Variants in CRACDL observed in about 807,000 individuals in gnomAD.
CRACDL encodes the protein CRACD-like protein.
In CRACDL, 26 loss-of-function variants were observed where a neutral mutation model predicts 70.6. That is an observed-to-expected ratio of 0.37 (90% CI 0.27 to 0.51). The LOEUF is 0.51. CRACDL is among the 20% of genes least tolerant of loss of function. The pLI is 0.94. For synonymous variants in CRACDL, 618 were observed against 615.2 expected (o/e 1.00, Z -0.07); for missense variants, 1,283 against 1,376.9 (o/e 0.93, Z 1.08).
intron 7 of CRACDL, among the ~76,000 whole-genome samples, chr2:98,799,424 C>G (rs1218710973): frequency 6.6e-6 from 1 of 152,110 alleles, no homozygotes; most frequent in Non-Finnish European, 1.5e-5. Flanking sequence ...GCCAGGACCT[C>G]CCCTGGCCCT....
At position 98,797,368 on chromosome 2, in the gene CRACDL, C is replaced by A. The variant is rs1703870235; in HGVS notation, c.2586G>T (p.Lys862Asn). The A allele has an allele frequency of 4.3e-6, 7 of 1,614,206 alleles. No homozygotes were observed. In the East Asian group the frequency reaches 1.6e-4, roughly 36 times the overall value. ...TAAGCACCTGGCCTCTCTCGGGCAC[C>A]TTGGCTTGCTTTCCTGGTTCAGACT... ...TLKSEPGKQAKVPERGQEPVK... is the reference protein window; with the variant it reads ...TLKSEPGKQANVPERGQEPVK... Residue 862 changes from lysine to asparagine, a missense_variant, in exon 8 of 10, where the codon AAG becomes AAT. Lys to Asn is a moderately conservative substitution (Grantham distance 94). Coordinates refer to ENST00000397899, the MANE Select transcript of CRACDL (RefSeq NM_207362.3).
chr2:98,871,137 C>T (rs1010677711), intron 1 of CRACDL, among the ~76,000 whole-genome samples: 50 of 152,186 alleles, frequency 3.3e-4, no homozygotes, highest in Non-Finnish European at 2.9e-5. Context: ...TTTCTTTGCC[C>T]TTCTTTGCTG....
intron 1 of CRACDL, among the ~76,000 whole-genome samples, chr2:98,903,028 C>T (rs1708319606): frequency 6.6e-6 from 1 of 152,146 alleles, no homozygotes; most frequent in Admixed American, 6.5e-5. Flanking sequence ...GCACACTCTC[C>T]CAACTGCACA....
Position 98,796,183 on chromosome 2 carries a change from CCT to C in CRACDL, c.2684_2685del (p.Gln895ArgfsTer61). ...CCCTCCTTGAAGTTGAGCTTTGCCC[CCT>C]GCTTCCGGTCCACAGCGGGCTTCAC... ...TPVKPAVDRK[Q>X]GAKLNFKEGL... On this transcript the variant is annotated frameshift_variant, in exon 9 of 10. Transcript: ENST00000397899. LOFTEE classifies it high-confidence loss of function. The C allele has an allele frequency of 6.2e-7, 1 of 1,614,100 alleles. No homozygotes were observed. The highest frequency in any genetic ancestry group is 8.5e-7 in the Non-Finnish European group (1 of 1,179,932).
intron 7 of CRACDL, among the ~76,000 whole-genome samples, chr2:98,806,186 A>G (rs753210520): frequency 5.3e-5 from 8 of 152,182 alleles, no homozygotes; most frequent in Non-Finnish European, 7.4e-5. Context: ...TTTTTCCCAA[A>G]TGGGGCCCTG....
intron 7 of CRACDL, among the ~76,000 whole-genome samples, chr2:98,799,869 T>A (rs1009419731): frequency 3.3e-5 from 5 of 152,120 alleles, no homozygotes; most frequent in African/African-American, 9.7e-5. Flanking sequence ...TCCTGGGGCA[T>A]CCCTCCAGCC....
intron 1 of CRACDL, among the ~76,000 whole-genome samples, chr2:98,894,304 G>C (rs920572906): frequency 1.3e-5 from 2 of 152,244 alleles, no homozygotes; most frequent in Admixed American, 1.3e-4. Flanking sequence ...CTGAAGGAGA[G>C]AGATGGCTCA....
At chr2:98,847,034 A>G (rs1486710492) in intron 1 of CRACDL, among the ~76,000 whole-genome samples, 2 of 152,252 alleles carry the variant, frequency 1.3e-5, no homozygotes, top group Non-Finnish European at 2.9e-5. Context: ...TTTAATGGAA[A>G]ACAGATCACT....
chr2:98,891,524 G>C (rs1340731304), intron 1 of CRACDL, among the ~76,000 whole-genome samples: 5 of 151,916 alleles, frequency 3.3e-5, no homozygotes, highest in African/African-American at 1.2e-4. Context: ...AGTATTGATG[G>C]TTCACAACCT....
At chr2:98,805,719 C>T (rs1174198253) in intron 7 of CRACDL, among the ~76,000 whole-genome samples, 1 of 152,232 alleles carries the variant, frequency 6.6e-6, no homozygotes, top group Non-Finnish European at 1.5e-5. Flanking sequence ...CTTTCCCAGC[C>T]ACCAGCATGG....
At position 98,822,943 on chromosome 2, in the gene CRACDL, G is replaced by A. The variant is rs747362353; in HGVS notation, c.1330C>T (p.Pro444Ser). ...CCCTTCTCCTCATCCGGGAGCACGG[G>A]CGGCGTCGGCTCCGCTTCCTTCGGG... The part of the protein sequence containing the change: ...SVPKEAEPTP[P>S]VLPDEEKGPP... Residue 444 changes from proline (P) to serine (S), a missense_variant, in exon 7 of 10, where the codon CCC becomes TCC. Around this residue, in one of 2 missense-constraint regions of CRACDL, gnomAD observed 921 missense variants for 881.9 expected, o/e 1.04. Coordinates refer to ENST00000397899, the MANE Select transcript of CRACDL (RefSeq NM_207362.3). The surrounding 1 kb of genome is among the most constrained non-coding windows in gnomAD (Gnocchi z 4.9). 1.3e-4 allele frequency: 186 copies of A among 1,460,804 alleles called. 1 individual carries two copies. Among genetic ancestry groups the A allele is most frequent in the Non-Finnish European group, 1.7e-4 (184 of 1,111,990 alleles). The allele number at this position is 1,460,804 out of a possible 1,614,324, so 90.5% of individuals were successfully genotyped here.
At chr2:98,892,785 A>G (rs1401201215) in intron 1 of CRACDL, among the ~76,000 whole-genome samples, 8 of 152,136 alleles carry the variant, frequency 5.3e-5, no homozygotes, top group Admixed American at 2.6e-4. Flanking sequence ...AAAACCCTAA[A>G]CCCTAATATG....
At chr2:98,836,656 C>T (rs891542064) in intron 3 of CRACDL, among the ~76,000 whole-genome samples, 3 of 152,164 alleles carry the variant, frequency 2.0e-5, no homozygotes, top group Non-Finnish European at 4.4e-5. Context: ...CTGTGTGCTC[C>T]AGTCAAGAGA....
At chr2:98,896,957 T>C (rs1442538459) in intron 1 of CRACDL, among the ~76,000 whole-genome samples, 1 of 152,182 alleles carries the variant, frequency 6.6e-6, no homozygotes, top group Non-Finnish European at 1.5e-5. Context: ...TTTTGCGTTA[T>C]TTCTAAAGGA....
intron 7 of CRACDL, among the ~76,000 whole-genome samples, chr2:98,811,402 C>T (rs1027325522): frequency 1.4e-5 from 2 of 147,922 alleles, no homozygotes; most frequent in Admixed American, 6.9e-5. Flanking sequence ...CCCAGCTACT[C>T]GGGAGGCTGA....
intron 7 of CRACDL, among the ~76,000 whole-genome samples, chr2:98,820,347 T>C (rs370503749): frequency 5.3e-5 from 8 of 151,856 alleles, no homozygotes; most frequent in African/African-American, 1.4e-4. Context: ...CTGGCCAACA[T>C]GGTGAAACCT....
intron 1 of CRACDL, among the ~76,000 whole-genome samples, chr2:98,883,966 T>C (rs1012471643): frequency 1.3e-5 from 2 of 152,204 alleles, no homozygotes; most frequent in Non-Finnish European, 2.9e-5. Context: ...GCTCTGGCTG[T>C]CCCGTCCTAA....
rs1318188703 is a variant in CRACDL, at chr2:98,817,650, T to G, written c.2416+4207A>C. ...TCTGAGGGTCAGTCCCCTGTGCTCT[T>G]CCCATCTTTTGGGGCCAAGAAAGAG... On this transcript the variant is annotated intron_variant, in intron 7 of 9. Transcript: ENST00000397899. Among the ~76,000 whole-genome samples, 6 of 152,156 alleles carry G rather than the reference T, an allele frequency of 3.9e-5. No homozygotes were observed. In the South Asian group the frequency reaches 1.2e-3, roughly 32 times the overall value.
Position 98,903,849 on chromosome 2 carries a change from C to T in CRACDL, c.-11+32089G>A, listed in dbSNP as rs72957643. Among the ~76,000 whole-genome samples the T allele has an allele frequency of 5.6e-3, 851 of 152,346 alleles. 8 individuals carry two copies. Among genetic ancestry groups the T allele is most frequent in the African/African-American group, 0.019 (802 of 41,580 alleles). The stretch of plus-strand genomic sequence containing the variant: ...ATCCTTCAACATGCACACGCGTCCA[C>T]GTGCATACACATGAGTGTGGTCCTG... On this transcript the variant is annotated intron_variant, in intron 1 of 9. Coordinates refer to ENST00000397899, the MANE Select transcript of CRACDL (RefSeq NM_207362.3).
Sources: allele counts gnomAD v4.1 joint callset (sites outside exome capture counted in the v4.1 genomes callset), GRCh38; gene constraint gnomAD v4.1.1; regional missense constraint gnomAD v4.1.1; non-coding constraint Gnocchi (gnomAD v3.1); transcripts MANE v1.5; gene names NCBI Gene and HGNC (gene_info 2026-07-23, HGNC 2026-07-21).